The following GLI2 variants were observed in gnomAD, a reference collection of about 807,000 sequenced individuals.
GLI2 encodes the protein GLI family zinc finger 2.
Under a neutral mutation model 78.9 loss-of-function variants are expected in GLI2, and 22 were observed. The ratio of observed to expected loss-of-function variants is 0.28; its 90% CI spans 0.20 to 0.40. GLI2 has a LOEUF of 0.40. GLI2 is among the 10% of genes least tolerant of loss of function. GLI2 has a pLI of 1.00. For synonymous variants in GLI2, 974 were observed against 963.7 expected (o/e 1.01, Z -0.20); for missense variants, 2,097 against 2,213.2 (o/e 0.95, Z 1.05).
chr2:120,764,977 T>G (rs1421541060), intron 1 of GLI2, among the ~76,000 whole-genome samples: 1 of 152,208 alleles, frequency 6.6e-6, no homozygotes, highest in Non-Finnish European at 1.5e-5. Context: ...CACCGTCCAT[T>G]CATGCAGTAT....
intron 5 of GLI2, among the ~76,000 whole-genome samples, chr2:120,967,380 T>A (rs538790898): frequency 6.6e-6 from 1 of 152,334 alleles, no homozygotes. Flanking sequence ...CTCTGAGGGA[T>A]CTGGACAGGG....
In GLI2 at chr2:120,809,026, G is replaced by A. The variant is rs540497215; in HGVS notation, c.148+11558G>A. On this transcript the variant is annotated intron_variant, in intron 2 of 13. Coordinates refer to ENST00000361492, the MANE Select transcript of GLI2 (RefSeq NM_001374353.1). ...GTTCCACTCTTCAAGAACTACCTCC[G>A]ATAATTGAAAACCTATGTGCACACA... 5.3e-5 allele frequency among the ~76,000 whole-genome samples: 8 copies of A among 152,246 alleles called. No homozygotes were observed. In the South Asian group the frequency reaches 6.2e-4, roughly 12 times the overall value.
At chr2:120,832,450 C>T (rs1199444231) in intron 2 of GLI2, among the ~76,000 whole-genome samples, 1 of 152,128 alleles carries the variant, frequency 6.6e-6, no homozygotes, top group Non-Finnish European at 1.5e-5. Flanking sequence ...GTGTCCCTTC[C>T]TGATGCGGCC....
intron 2 of GLI2, among the ~76,000 whole-genome samples, chr2:120,868,722 A>G (rs1320489620): frequency 6.6e-6 from 1 of 152,160 alleles, no homozygotes; most frequent in Non-Finnish European, 1.5e-5. Flanking sequence ...GAAATGGTCG[A>G]GGGAAGAGGG....
chr2:120,870,459 A>AG (rs1688369162), intron 2 of GLI2, among the ~76,000 whole-genome samples: 1 of 152,134 alleles, frequency 6.6e-6, no homozygotes, highest in Non-Finnish European at 1.5e-5. Context: ...CTCATTTCAC[A>AG]GGGGAGGAAA....
chr2:120,762,644 C>T (rs1683247871), intron 1 of GLI2, among the ~76,000 whole-genome samples: 1 of 152,232 alleles, frequency 6.6e-6, no homozygotes, highest in Non-Finnish European at 1.5e-5. Flanking sequence ...AGGTCACAGG[C>T]CTCCCCATCG....
chr2:120,842,295 C>T (rs10168559), intron 2 of GLI2, among the ~76,000 whole-genome samples: 47,122 of 151,944 alleles, frequency 0.31, 9,179 homozygotes, highest in African/African-American at 0.56. Context: ...TGTGTGCTTA[C>T]CTATAAATTT....
At chr2:120,904,081 A>C (rs1016359529) in intron 2 of GLI2, among the ~76,000 whole-genome samples, 2 of 152,082 alleles carry the variant, frequency 1.3e-5, no homozygotes, top group Admixed American at 6.6e-5. Context: ...ATCCCCAGGC[A>C]TGTGTTTATC....
intron 2 of GLI2, among the ~76,000 whole-genome samples, chr2:120,823,188 A>G (rs1319318570): frequency 1.3e-5 from 2 of 152,232 alleles, no homozygotes; most frequent in South Asian, 2.1e-4. Flanking sequence ...TGAGTTCTGC[A>G]GGGACGCTCC....
At chr2:120,875,461 C>T (rs1039686220) in intron 2 of GLI2, among the ~76,000 whole-genome samples, 9 of 152,216 alleles carry the variant, frequency 5.9e-5, no homozygotes, top group African/African-American at 2.2e-4. Flanking sequence ...GGAAATGGCC[C>T]TTGAGGCTAG....
intron 4 of GLI2, among the ~76,000 whole-genome samples, chr2:120,954,183 A>G (rs1462840836): frequency 6.6e-6 from 1 of 152,220 alleles, no homozygotes; most frequent in African/African-American, 2.4e-5. Flanking sequence ...TATCAGCCCC[A>G]GAGCCTGCCA....
At chr2:120,795,249 C>T (rs1684333777) in intron 1 of GLI2, among the ~76,000 whole-genome samples, 1 of 150,392 alleles carries the variant, frequency 6.6e-6, no homozygotes, top group African/African-American at 2.5e-5. Flanking sequence ...TGGCTGGGCT[C>T]GTTGGCTCAC....
intron 1 of GLI2, among the ~76,000 whole-genome samples, chr2:120,761,505 G>A (rs2104645453): frequency 6.6e-6 from 1 of 152,330 alleles, no homozygotes; most frequent in South Asian, 2.1e-4. Flanking sequence ...TAGACAAGGT[G>A]GACAGAGGAA....
intron 2 of GLI2, among the ~76,000 whole-genome samples, chr2:120,852,771 G>T (rs978120668): frequency 6.6e-5 from 10 of 152,190 alleles, no homozygotes; most frequent in Admixed American, 3.3e-4. Flanking sequence ...CTGGTACTGA[G>T]CACCCCGTAT....
At chr2:120,871,631 C>A (rs1179607121) in intron 2 of GLI2, among the ~76,000 whole-genome samples, 2 of 152,132 alleles carry the variant, frequency 1.3e-5, no homozygotes, top group Non-Finnish European at 2.9e-5. Context: ...GAGTAGCTAA[C>A]CTCTAAATCT....
intron 2 of GLI2, among the ~76,000 whole-genome samples, chr2:120,843,621 CCA>C (rs1686981924): frequency 6.6e-6 from 1 of 152,130 alleles, no homozygotes; most frequent in Non-Finnish European, 1.5e-5. Context: ...TCTGCAGGTT[CCA>C]CGGGCGTCAG....
At chr2:120,873,128 A>G (rs1196740091) in intron 2 of GLI2, among the ~76,000 whole-genome samples, 3 of 152,216 alleles carry the variant, frequency 2.0e-5, no homozygotes, top group Non-Finnish European at 4.4e-5. Context: ...TTTCCACCTG[A>G]GAATGGATAC....
Position 120,970,437 on chromosome 2 carries a change from A to G in GLI2, c.890A>G (p.Gln297Arg). ...FPHPINPVAYQQILSQQRGLG... is the reference protein window; with the variant it reads ...FPHPINPVAYRQILSQQRGLG... ...CACCCCATCAACCCCGTGGCCTACC[A>G]GCAGATTCTGAGCCAGCAGAGGGGT... Residue 297 changes from glutamine to arginine, a missense_variant, in exon 7 of 14, where the codon CAG (glutamine) becomes CGG (arginine). Gln to Arg is a conservative substitution (Grantham distance 43). Around this residue, in one of 5 missense-constraint regions of GLI2, gnomAD observed 578 missense variants for 612.0 expected, o/e 0.94. Transcript: ENST00000361492. 1 of 1,610,926 alleles carries G rather than the reference A, an allele frequency of 6.2e-7. No homozygotes were observed. Among genetic ancestry groups the G allele is most frequent in the Non-Finnish European group, 8.5e-7 (1 of 1,179,228 alleles).
At chr2:120,859,809 C>T (rs1465298674) in intron 2 of GLI2, among the ~76,000 whole-genome samples, 7 of 149,038 alleles carry the variant, frequency 4.7e-5, no homozygotes, top group Non-Finnish European at 8.9e-5. Flanking sequence ...CAGGCTGGAG[C>T]GCAATGGCAC....
Sources: allele counts gnomAD v4.1 joint callset (sites outside exome capture counted in the v4.1 genomes callset), GRCh38; gene constraint gnomAD v4.1.1; regional missense constraint gnomAD v4.1.1; transcripts MANE v1.5; gene names NCBI Gene and HGNC (gene_info 2026-07-23, HGNC 2026-07-21).